The following RAB3C variants were observed in gnomAD, a reference collection of about 807,000 sequenced individuals.
RAB3C encodes ras-related protein Rab-3C.
Under a neutral mutation model 26.4 loss-of-function variants are expected in RAB3C, and 17 were observed. The ratio of observed to expected loss-of-function variants is 0.64; its 90% CI spans 0.44 to 0.97. The LOEUF is 0.97. Among genes scored for constraint, RAB3C ranks in the 50% least tolerant of loss-of-function variants. The pLI, the probability that RAB3C is intolerant of heterozygous loss-of-function variation, is 0.00. For synonymous variants in RAB3C, 91 were observed against 95.9 expected, an observed-to-expected ratio of 0.95 and a Z score of 0.30; for missense variants, 242 against 281.9, an observed-to-expected ratio of 0.86 and a Z score of 1.01.
chr5:58,838,162 C>T (rs982884128), intron 4 of RAB3C, among the ~76,000 whole-genome samples: 13 of 152,080 alleles, frequency 8.5e-5, no homozygotes, highest in South Asian at 8.3e-4. Flanking sequence ...AGGCAGATCA[C>T]GAGGTCAGTA....
intron 3 of RAB3C, among the ~76,000 whole-genome samples, chr5:58,730,264 T>C (rs1315635427): frequency 1.3e-5 from 2 of 151,980 alleles, no homozygotes; most frequent in Non-Finnish European, 2.9e-5. Context: ...TTTTAAAAAT[T>C]ATTATTAATT....
rs551042680 is a variant in RAB3C, at chr5:58,595,230, T to C, written c.24+11998T>C. ...TCAAAGTCTAGTAGGGTGCTTGCAG[T>C]GAGTTATATCACTGGTCCTCAGAAG... On this transcript the variant is annotated intron_variant, in intron 1 of 4. Coordinates refer to ENST00000282878, the MANE Select transcript of RAB3C (RefSeq NM_138453.4). 3.9e-5 allele frequency among the ~76,000 whole-genome samples: 6 copies of C among 152,306 alleles called. No individual in the cohort carries two copies. The South Asian group carries it at 1.2e-3, about 32-fold the overall frequency.
rs1213251143 is a variant in RAB3C, at chr5:58,596,738, A to AT, written c.24+13506_24+13507insT. On this transcript the variant is annotated intron_variant, in intron 1 of 4. Transcript: ENST00000282878. Reference sequence around the variant, plus strand: ...ATATAATATATAATACATAATATATAAATATATAATACATAATATATAAAT... The same window carrying AT: ...ATATAATATATAATACATAATATATATAATATATAATACATAATATATAAAT... 3.8e-3 allele frequency among the ~76,000 whole-genome samples: 279 copies of AT among 74,168 alleles called. 6 individuals carry two copies. Among genetic ancestry groups the AT allele is most frequent in the African/African-American group, 5.5e-3 (97 of 17,674 alleles). 48.7% of individuals were successfully genotyped at this position (74,168 alleles called of 152,430 possible).
intron 3 of RAB3C, among the ~76,000 whole-genome samples, chr5:58,819,849 C>T (rs1044765866): frequency 6.6e-6 from 1 of 152,126 alleles, no homozygotes; most frequent in Non-Finnish European, 1.5e-5. Flanking sequence ...ACCTGGGCAA[C>T]ACAGCAAGAC....
At chr5:58,717,018 C>T (rs983749136) in intron 2 of RAB3C, among the ~76,000 whole-genome samples, 4 of 151,940 alleles carry the variant, frequency 2.6e-5, no homozygotes, top group African/African-American at 9.7e-5. Context: ...ATGCACCACT[C>T]GGGTGGGGGA....
intron 2 of RAB3C, among the ~76,000 whole-genome samples, chr5:58,716,801 TA>T (rs541771825): frequency 0.15 from 19,467 of 127,366 alleles, 1,479 homozygotes; most frequent in Non-Finnish European, 0.21. Flanking sequence ...GTTCTCTTAT[TA>T]AAAAAAAAAA....
chr5:58,851,293 AG>A lies in RAB3C; in HGVS notation c.627del (p.Lys209AsnfsTer54). ...LETDPAITAA[K>X]QNTRLKETPP... Reference sequence around the variant, plus strand: ...ACTGATCCTGCCATCACTGCTGCAAAGCAGAACACGAGACTCAAGGAAACTC... The same window carrying A: ...ACTGATCCTGCCATCACTGCTGCAAACAGAACACGAGACTCAAGGAAACTC... On this transcript the variant is annotated frameshift_variant, in exon 5 of 5. Transcript: ENST00000282878. LOFTEE classifies it high-confidence loss of function. 1 of 1,613,534 alleles carries A rather than the reference AG, an allele frequency of 6.2e-7. No homozygotes were observed. Among genetic ancestry groups the A allele is most frequent in the South Asian group, 1.1e-5 (1 of 90,956 alleles).
At chr5:58,798,453 C>CA (rs1742725350) in intron 3 of RAB3C, among the ~76,000 whole-genome samples, 1 of 152,098 alleles carries the variant, frequency 6.6e-6, no homozygotes, top group Admixed American at 6.6e-5. Flanking sequence ...ATCATATATA[C>CA]AGGTTGAGCA....
chr5:58,728,267 A>G (rs1213535480), intron 3 of RAB3C, among the ~76,000 whole-genome samples: 3 of 152,028 alleles, frequency 2.0e-5, no homozygotes, highest in East Asian at 3.9e-4. Flanking sequence ...AGCATTTACT[A>G]TCTCAGTTAA....
intron 3 of RAB3C, among the ~76,000 whole-genome samples, chr5:58,769,159 G>A (rs1741973853): frequency 6.6e-6 from 1 of 152,062 alleles, no homozygotes; most frequent in Non-Finnish European, 1.5e-5. Context: ...CAGTAACTGA[G>A]GGAGGAGCAG....
At chr5:58,637,602 G>A (rs1747316524) in intron 2 of RAB3C, among the ~76,000 whole-genome samples, 1 of 152,030 alleles carries the variant, frequency 6.6e-6, no homozygotes, top group Non-Finnish European at 1.5e-5. Flanking sequence ...AAGGAAAGGT[G>A]GAAAGACAGA....
At chr5:58,599,960 T>G (rs1158795255) in intron 1 of RAB3C, among the ~76,000 whole-genome samples, 1 of 152,188 alleles carries the variant, frequency 6.6e-6, no homozygotes, top group African/African-American at 2.4e-5. Flanking sequence ...CAATGTTATC[T>G]TCTACATTTT....
At chr5:58,714,538 C>T (rs1180235297) in intron 2 of RAB3C, among the ~76,000 whole-genome samples, 4 of 151,988 alleles carry the variant, frequency 2.6e-5, no homozygotes, top group South Asian at 2.1e-4. Context: ...AACTGGAAAA[C>T]ATGTGGATAA....
intron 2 of RAB3C, among the ~76,000 whole-genome samples, chr5:58,639,466 G>A (rs1381985023): frequency 6.6e-6 from 1 of 152,110 alleles, no homozygotes; most frequent in African/African-American, 2.4e-5. Context: ...TCTGGTGAAG[G>A]CTCTCTTCCT....
At chr5:58,583,279 G>T (rs748913998) in intron 1 of RAB3C, 47 bp downstream of exon 1, 3 of 1,613,176 alleles carry the variant, frequency 1.9e-6, no homozygotes, top group Non-Finnish European at 2.5e-6. Flanking sequence ...TGAAAGAGAT[G>T]CTTTTCCCCT....
chr5:58,617,142 T>C (rs1303946381), intron 1 of RAB3C, among the ~76,000 whole-genome samples: 3 of 152,172 alleles, frequency 2.0e-5, no homozygotes, highest in Non-Finnish European at 4.4e-5. Flanking sequence ...CTGCCCTTTA[T>C]GTTAGGATGT....
At position 58,826,306 on chromosome 5, in the gene RAB3C, C is replaced by T. The variant is rs1743475643; in HGVS notation, c.496+1144C>T. 2.6e-5 allele frequency among the ~76,000 whole-genome samples: 4 copies of T among 152,052 alleles called. No individual in the cohort carries two copies. The South Asian group carries it at 8.3e-4, about 32-fold the overall frequency. On this transcript the variant is annotated intron_variant, in intron 4 of 4. Transcript: ENST00000282878. ...TGAAGGAGAGTAGAATTTGCAACTA[C>T]AAAGGAGATGAGGCATTATGAGTAA...
intron 2 of RAB3C, among the ~76,000 whole-genome samples, chr5:58,671,385 C>G (rs1748116330): frequency 6.6e-6 from 1 of 152,168 alleles, no homozygotes; most frequent in Non-Finnish European, 1.5e-5. Flanking sequence ...CGAAGGCTGT[C>G]TCGTTCCAGA....
At chr5:58,654,492 GA>G (rs774442939) in intron 2 of RAB3C, among the ~76,000 whole-genome samples, 3 of 151,960 alleles carry the variant, frequency 2.0e-5, no homozygotes, top group Non-Finnish European at 4.4e-5. Context: ...TAAGTCACAG[GA>G]ACAATCTCTA....
Sources: allele counts gnomAD v4.1 joint callset (sites outside exome capture counted in the v4.1 genomes callset), GRCh38; gene constraint gnomAD v4.1.1; transcripts MANE v1.5; gene names NCBI Gene and HGNC (gene_info 2026-07-23, HGNC 2026-07-21).